Variants in ATOSA observed in about 807,000 individuals in gnomAD.
The protein encoded by ATOSA is atos homolog A.
the ATOSA span, among the ~76,000 whole-genome samples, chr15:52,582,661 A>G: frequency 3.7e-4 from 56 of 152,266 alleles, 2 homozygotes; most frequent in South Asian, 0.01. Flanking sequence ...ACATTACTCA[A>G]TAACATTACA....
the ATOSA span, chr15:52,601,011 A>C: frequency 1.2e-6 from 1 of 864,346 alleles, no homozygotes; most frequent in South Asian, 1.6e-5. Flanking sequence ...TTTAGAATCA[A>C]CATTATTTAT....
chr15:52,688,732 G>A, the ATOSA span, among the ~76,000 whole-genome samples: 1 of 152,188 alleles, frequency 6.6e-6, no homozygotes, highest in Non-Finnish European at 1.5e-5. Context: ...CCTGTAAATG[G>A]TGGCTGCTCC....
chr15:52,584,549 C>T, the ATOSA span, among the ~76,000 whole-genome samples: 1 of 152,038 alleles, frequency 6.6e-6, no homozygotes, highest in African/African-American at 2.4e-5. Flanking sequence ...ATGAAAACTT[C>T]CCTAATTCAA....
the ATOSA span, among the ~76,000 whole-genome samples, chr15:52,635,229 A>G: frequency 6.6e-6 from 1 of 152,182 alleles, no homozygotes; most frequent in East Asian, 1.9e-4. Context: ...CTTTTTCAAT[A>G]GTAATCAATA....
At chr15:52,611,386 C>A in the ATOSA span, 1 of 1,271,054 alleles carries the variant, frequency 7.9e-7, no homozygotes, top group East Asian at 2.4e-5. Flanking sequence ...AATACACTTA[C>A]GATGTCACTT....
At chr15:52,702,293 A>G in the ATOSA span, among the ~76,000 whole-genome samples, 3 of 152,216 alleles carry the variant, frequency 2.0e-5, no homozygotes, top group Non-Finnish European at 4.4e-5. Flanking sequence ...TTCCTACCAA[A>G]AAGACACATG....
chr15:52,619,331 GT>G, the ATOSA span, among the ~76,000 whole-genome samples: 1 of 152,092 alleles, frequency 6.6e-6, no homozygotes, highest in Admixed American at 6.5e-5. Flanking sequence ...CAACAGCAAA[GT>G]TTACTGAAGA....
the ATOSA span, among the ~76,000 whole-genome samples, chr15:52,596,236 A>T: frequency 6.6e-6 from 1 of 152,230 alleles, no homozygotes; most frequent in Non-Finnish European, 1.5e-5. Flanking sequence ...TATTTTTAAG[A>T]TGTCAATTTT....
the ATOSA span, among the ~76,000 whole-genome samples, chr15:52,672,475 T>C: frequency 3.4e-5 from 5 of 145,712 alleles, no homozygotes; most frequent in African/African-American, 1.3e-4. Context: ...TGTTTCCAAG[T>C]ACTACAATTT....
the ATOSA span, chr15:52,585,083 T>C: frequency 3.3e-6 from 2 of 600,480 alleles, no homozygotes; most frequent in South Asian, 6.2e-5. Flanking sequence ...AGGACTAAAA[T>C]TAACACAATT....
chr15:52,707,499 A>G, the ATOSA span, among the ~76,000 whole-genome samples: 1 of 152,238 alleles, frequency 6.6e-6, no homozygotes, highest in African/African-American at 2.4e-5. Flanking sequence ...TCATTGCCAT[A>G]AAAGACAAAG....
the ATOSA span, among the ~76,000 whole-genome samples, chr15:52,635,500 C>G: frequency 6.6e-6 from 1 of 151,860 alleles, no homozygotes; most frequent in African/African-American, 2.4e-5. Flanking sequence ...CAAGAACAAC[C>G]TGGACAACAA....
At chr15:52,582,217 A>T in the ATOSA span, 5 of 1,603,880 alleles carry the variant, frequency 3.1e-6, no homozygotes, top group Non-Finnish European at 4.2e-6. Flanking sequence ...GTTCATATGC[A>T]GCACCGCTAT....
chr15:52,663,927 G>T, the ATOSA span, among the ~76,000 whole-genome samples: 1 of 152,136 alleles, frequency 6.6e-6, no homozygotes, highest in African/African-American at 2.4e-5. Flanking sequence ...GGGAAATATT[G>T]TAGTTGAAAT....
the ATOSA span, among the ~76,000 whole-genome samples, chr15:52,636,908 T>C: frequency 6.6e-6 from 1 of 152,100 alleles, no homozygotes; most frequent in Non-Finnish European, 1.5e-5. Context: ...CTTGGGGAAT[T>C]TGGGGATGCA....
At chr15:52,686,446 G>C in the ATOSA span, among the ~76,000 whole-genome samples, 1 of 152,122 alleles carries the variant, frequency 6.6e-6, no homozygotes, top group Non-Finnish European at 1.5e-5. Context: ...CTTTTCTAAG[G>C]TTACTGTCTC....
the ATOSA span, chr15:52,657,331 T>C: frequency 1.3e-5 from 2 of 152,206 alleles, no homozygotes; most frequent in Non-Finnish European, 2.9e-5. Flanking sequence ...TAGCCAATCT[T>C]GTGTAGGTGT....
At chr15:52,668,191 G>A in the ATOSA span, among the ~76,000 whole-genome samples, 5 of 152,136 alleles carry the variant, frequency 3.3e-5, no homozygotes, top group Admixed American at 2.0e-4. Context: ...GTACACACAC[G>A]TGCGCACACA....
chr15:52,596,793 A>T, the ATOSA span, among the ~76,000 whole-genome samples: 2 of 152,242 alleles, frequency 1.3e-5, no homozygotes, highest in Non-Finnish European at 2.9e-5. Flanking sequence ...TTTTAGATTC[A>T]ACATCAAAAG....
Sources: allele counts gnomAD v4.1 joint callset (sites outside exome capture counted in the v4.1 genomes callset), GRCh38; gene constraint gnomAD v4.1.1; transcripts MANE v1.5; gene names NCBI Gene and HGNC (gene_info 2026-07-23, HGNC 2026-07-21).